Variants in HS3ST4 observed in about 807,000 individuals in gnomAD.
The protein encoded by HS3ST4 is heparan sulfate glucosamine 3-O-sulfotransferase 4.
In HS3ST4, 17 loss-of-function variants were observed where a neutral mutation model predicts 29.2. That is an observed-to-expected ratio of 0.58 (90% CI 0.40 to 0.87). HS3ST4 has a LOEUF of 0.87. Among genes scored for constraint, HS3ST4 ranks in the 40% least tolerant of loss-of-function variants. HS3ST4 has a pLI of 0.00. For missense variants in HS3ST4, 627 were observed against 634.5 expected (o/e 0.99, Z 0.13); for synonymous variants, 314 against 285.7 (o/e 1.10, Z -1.00).
intron 1 of HS3ST4, among the ~76,000 whole-genome samples, chr16:26,100,710 C>T (rs1294539967): frequency 2.0e-5 from 3 of 152,198 alleles, no homozygotes; most frequent in African/African-American, 7.2e-5. Flanking sequence ...TCTCCCCCAA[C>T]CAAACCCGAG....
chr16:25,817,726 A>G (rs1967108301), intron 1 of HS3ST4, among the ~76,000 whole-genome samples: 1 of 152,226 alleles, frequency 6.6e-6, no homozygotes, highest in African/African-American at 2.4e-5. Flanking sequence ...TCATCAACAT[A>G]CAGAGGACAT....
At chr16:25,996,720 A>G (rs1969162116) in intron 1 of HS3ST4, among the ~76,000 whole-genome samples, 1 of 152,116 alleles carries the variant, frequency 6.6e-6, no homozygotes, top group South Asian at 2.1e-4. Flanking sequence ...ACTATTCTCT[A>G]TTTGGCTATT....
intron 1 of HS3ST4, among the ~76,000 whole-genome samples, chr16:25,810,465 G>T (rs1192821147): frequency 2.0e-5 from 3 of 152,086 alleles, no homozygotes; most frequent in Non-Finnish European, 4.4e-5. Context: ...ATAGGCCAGC[G>T]AGATCCTGTG....
chr16:25,998,010 T>A (rs1949745415), intron 1 of HS3ST4, among the ~76,000 whole-genome samples: 1 of 152,014 alleles, frequency 6.6e-6, no homozygotes, highest in South Asian at 2.1e-4. Flanking sequence ...CCGATGAGGG[T>A]GGATCCATTG....
intron 1 of HS3ST4, among the ~76,000 whole-genome samples, chr16:25,971,945 G>GA (rs938874389): frequency 2.0e-5 from 3 of 151,664 alleles, no homozygotes; most frequent in East Asian, 1.9e-4. Context: ...AAGAAAGAAA[G>GA]AAAAAAAAGA....
intron 1 of HS3ST4, among the ~76,000 whole-genome samples, chr16:26,037,935 G>C (rs182238280): frequency 6.6e-6 from 1 of 152,282 alleles, no homozygotes; most frequent in East Asian, 1.9e-4. Flanking sequence ...TAGCCAGAGG[G>C]ATCTTTCAAA....
chr16:25,952,107 G>T (rs750607889), intron 1 of HS3ST4, among the ~76,000 whole-genome samples: 14 of 152,222 alleles, frequency 9.2e-5, no homozygotes, highest in Non-Finnish European at 1.6e-4. Flanking sequence ...AACTGTTTAT[G>T]TAGTGTCTAT....
chr16:25,941,813 T>C, intron 1 of HS3ST4, among the ~76,000 whole-genome samples: 1 of 151,386 alleles, frequency 6.6e-6, no homozygotes, highest in Non-Finnish European at 1.5e-5. Flanking sequence ...TCTGACCTTG[T>C]GATCCTCCCA....
At chr16:25,860,918 C>A (rs1312470602) in intron 1 of HS3ST4, among the ~76,000 whole-genome samples, 1 of 152,022 alleles carries the variant, frequency 6.6e-6, no homozygotes, top group Non-Finnish European at 1.5e-5. Flanking sequence ...AATAAATGCA[C>A]CATGCTGCTG....
At position 26,117,679 on chromosome 16, in the gene HS3ST4, G is replaced by A. The variant is rs947754702; in HGVS notation, c.735-17933G>A. On this transcript the variant is annotated intron_variant, in intron 1 of 1. Coordinates refer to ENST00000331351, the MANE Select transcript of HS3ST4 (RefSeq NM_006040.3). ...GGTAGCAATGAGATGGAGGCCTGCCGGAGCCCAAGCCCTGCTTAGCACACC... is the reference window on the plus strand; with the variant it reads ...GGTAGCAATGAGATGGAGGCCTGCCAGAGCCCAAGCCCTGCTTAGCACACC... Among the ~76,000 whole-genome samples, 12 of 152,206 alleles carry A rather than the reference G, an allele frequency of 7.9e-5. No individual in the cohort carries two copies. In the South Asian group the frequency reaches 8.3e-4, roughly 11 times the overall value.
At position 25,861,930 on chromosome 16, in the gene HS3ST4, G is replaced by T. The variant is rs112199353; in HGVS notation, c.734+168779G>T. 5.3e-3 allele frequency among the ~76,000 whole-genome samples: 813 copies of T among 152,176 alleles called. 6 individuals are homozygous for T. Among genetic ancestry groups the T allele is most frequent in the African/African-American group, 0.019 (772 of 41,526 alleles). On this transcript the variant is annotated intron_variant, in intron 1 of 1. Coordinates refer to ENST00000331351, the MANE Select transcript of HS3ST4 (RefSeq NM_006040.3). ...TAATTTTTGGGCATAGCTATAGTTT[G>T]TTCATTTTCCATGTCATGTAGCAGC...
intron 1 of HS3ST4, among the ~76,000 whole-genome samples, chr16:25,800,068 T>TCCTTCCTTCCTTCCTG (rs1966917879): frequency 9.0e-6 from 1 of 110,984 alleles, no homozygotes; most frequent in East Asian, 2.0e-4. Flanking sequence ...CTTCCTGCCT[T>TCCTTCCTTCCTTCCTG]CCTTCCTTCC....
At chr16:25,693,289 G>A (rs1966270837) in intron 1 of HS3ST4, 138 bp downstream of exon 1, 7 of 941,490 alleles carry the variant, frequency 7.4e-6, no homozygotes, top group Non-Finnish European at 9.1e-6. Context: ...GCAAACCCTG[G>A]CGGCGTTGCT....
At chr16:25,695,751 A>C (rs539402386) in intron 1 of HS3ST4, among the ~76,000 whole-genome samples, 2 of 152,246 alleles carry the variant, frequency 1.3e-5, no homozygotes, top group Non-Finnish European at 2.9e-5. Context: ...CAGGTATGCT[A>C]TCTGGGATCT....
At chr16:25,989,576 A>G (rs527613949) in intron 1 of HS3ST4, among the ~76,000 whole-genome samples, 1 of 152,314 alleles carries the variant, frequency 6.6e-6, no homozygotes, top group South Asian at 2.1e-4. Context: ...TTTCTTTAAC[A>G]TAGGCATTTA....
At chr16:25,775,395 C>G (rs1966846681) in intron 1 of HS3ST4, among the ~76,000 whole-genome samples, 1 of 152,180 alleles carries the variant, frequency 6.6e-6, no homozygotes, top group Admixed American at 6.5e-5. Context: ...GACATCAGGG[C>G]TTGTTATATG....
intron 1 of HS3ST4, among the ~76,000 whole-genome samples, chr16:26,095,464 A>T (rs1898910466): frequency 6.6e-6 from 1 of 152,224 alleles, no homozygotes; most frequent in Non-Finnish European, 1.5e-5. Context: ...TAAGAAACTC[A>T]CTCAAAATCG....
At chr16:25,739,354 A>G (rs1966635830) in intron 1 of HS3ST4, among the ~76,000 whole-genome samples, 1 of 152,160 alleles carries the variant, frequency 6.6e-6, no homozygotes, top group South Asian at 2.1e-4. Context: ...AAAACACACA[A>G]ACAAAAGCAA....
Position 25,692,410 on chromosome 16 carries a change from G to C in HS3ST4, c.-8G>C. ...CGCCGCCGCCGCCGCCGCGAGCCGG[G>C]AGCCGCGATGGCCCGGTGGCCCGCA... On this transcript the variant is annotated 5_prime_UTR_variant, in exon 1 of 2. Transcript: ENST00000331351. 1.1e-6 allele frequency: 1 copy of C among 921,726 alleles called. No individual in the cohort carries two copies. Among genetic ancestry groups the C allele is most frequent in the Non-Finnish European group, 1.3e-6 (1 of 746,228 alleles). The allele number at this position is 921,726 out of a possible 1,614,324, so 57.1% of individuals were successfully genotyped here.
Sources: gnomAD v4.1 joint callset for allele counts (sites outside exome capture counted in the v4.1 genomes callset) on GRCh38, gnomAD v4.1.1 for gene constraint, MANE v1.5 for transcripts, NCBI Gene and HGNC (gene_info 2026-07-23, HGNC 2026-07-21) for gene names.